The following ZNF292 variants were observed in gnomAD, a reference collection of about 807,000 sequenced individuals.
ZNF292 encodes the protein 16 zinc-finger domain protein.
Under a neutral mutation model 217.9 loss-of-function variants are expected in ZNF292, and 26 were observed. That is an observed-to-expected ratio of 0.12 (90% CI 0.09 to 0.17). The LOEUF (loss-of-function observed/expected upper bound fraction) is 0.17, where lower values mean the gene tolerates loss of function less well. ZNF292 is among the 10% of genes least tolerant of loss of function. The pLI, the probability that ZNF292 is intolerant of heterozygous loss-of-function variation, is 1.00. For synonymous variants in ZNF292, 1,257 were observed against 1,124.1 expected (o/e 1.12, Z -2.37); for missense variants, 2,904 against 3,175.2 (o/e 0.91, Z 2.05).
At position 87,256,277 on chromosome 6, in the gene ZNF292, T is replaced by C; in HGVS notation, c.2648T>C (p.Leu883Pro). The part of the protein sequence containing the change: ...PSENNIENSL[L>P]ADRSDAWDKS... ...GAAAATAACATTGAAAACAGCTTACTAGCAGATAGAAGTGATGCTTGGGAT... is the reference window on the plus strand; with the variant it reads ...GAAAATAACATTGAAAACAGCTTACCAGCAGATAGAAGTGATGCTTGGGAT... The change falls in exon 8 of 8, where the codon CTA (leucine) becomes CCA (proline). Residue 883 changes from leucine to proline, a missense_variant. This residue lies in a region of ZNF292 where 687 missense variants were observed against 623.0 expected (regional missense o/e 1.10). Coordinates refer to ENST00000369577, the MANE Select transcript of ZNF292 (RefSeq NM_015021.3). 1.2e-6 allele frequency: 2 copies of C among 1,613,864 alleles called. No homozygotes were observed. Among genetic ancestry groups the C allele is most frequent in the South Asian group, 1.1e-5 (1 of 91,074 alleles).
chr6:87,207,830 A>C (rs560213271), intron 1 of ZNF292, among the ~76,000 whole-genome samples: 1 of 152,248 alleles, frequency 6.6e-6, no homozygotes, highest in East Asian at 1.9e-4. Context: ...AAATCCATCT[A>C]ATATGCTATA....
rs566327800 is a variant in ZNF292, at chr6:87,237,838, T to A, written c.741+4311T>A. Among the ~76,000 whole-genome samples the A allele has an allele frequency of 2.0e-5, 3 of 152,352 alleles. No individual in the cohort carries two copies. In the East Asian group the frequency reaches 5.8e-4, roughly 29 times the overall value. ...GCTCATTTGTCAGAGCAATAGAGAA[T>A]AGTCCCTATATAGGTAATATACTGG... On this transcript the variant is annotated intron_variant, in intron 5 of 7. Coordinates refer to ENST00000369577, the MANE Select transcript of ZNF292 (RefSeq NM_015021.3).
intron 1 of ZNF292, chr6:87,173,909 T>C (rs1771194493): frequency 5.7e-6 from 1 of 174,582 alleles, no homozygotes. Context: ...TTGTACAAAA[T>C]AGCCAGTCTG....
intron 1 of ZNF292, among the ~76,000 whole-genome samples, chr6:87,179,834 A>G (rs998963707): frequency 6.6e-6 from 1 of 152,180 alleles, no homozygotes; most frequent in African/African-American, 2.4e-5. Context: ...TATTTCCTCC[A>G]TGTACGGAGA....
chr6:87,204,279 T>A (rs183167775), intron 1 of ZNF292, among the ~76,000 whole-genome samples: 1 of 152,288 alleles, frequency 6.6e-6, no homozygotes, highest in East Asian at 1.9e-4. Context: ...TTGGCATACG[T>A]GAATAATGTC....
chr6:87,233,519 A>T lies in ZNF292; in HGVS notation c.733A>T (p.Ile245Phe). 3 of 1,610,034 alleles carry T rather than the reference A, an allele frequency of 1.9e-6. No homozygotes were observed. The highest frequency in any genetic ancestry group is 2.5e-6 in the Non-Finnish European group (3 of 1,178,252). Residue 245 changes from isoleucine to phenylalanine, a missense_variant, in exon 5 of 8, where the codon ATC (isoleucine) becomes TTC (phenylalanine). Physicochemically the swap from Ile to Phe is conservative, Grantham distance 21. Transcript: ENST00000369577. The stretch of plus-strand genomic sequence containing the variant: ...TACATCATCACCAAATGGAAAGTTA[A>T]TCGAAGAGGTGAGTATGTTTTCTTT... ...LCTSSPNGKL[I>F]EEISEVDCKD...
At chr6:87,252,174 G>A (rs1000592919) in intron 7 of ZNF292, among the ~76,000 whole-genome samples, 6 of 150,914 alleles carry the variant, frequency 4.0e-5, no homozygotes, top group Middle Eastern at 3.2e-3. Context: ...TTTTTGAGAC[G>A]TTGTTTTGCT....
At chr6:87,219,695 G>C (rs1368330067) in intron 4 of ZNF292, among the ~76,000 whole-genome samples, 1 of 152,194 alleles carries the variant, frequency 6.6e-6, no homozygotes, top group Non-Finnish European at 1.5e-5. Flanking sequence ...CGTTCTAGCA[G>C]TGTACTTGTT....
At chr6:87,155,785 C>A in intron 1 of ZNF292, 26 bp downstream of exon 1, 1 of 1,564,838 alleles carries the variant, frequency 6.4e-7, no homozygotes, top group Non-Finnish European at 8.7e-7. Flanking sequence ...GGTCCCCTCC[C>A]CCTTTCCCCA....
At chr6:87,160,042 A>G (rs993898892) in intron 1 of ZNF292, among the ~76,000 whole-genome samples, 2 of 152,232 alleles carry the variant, frequency 1.3e-5, no homozygotes, top group African/African-American at 2.4e-5. Context: ...AGACTGGGCC[A>G]GTAGTCACTC....
intron 1 of ZNF292, among the ~76,000 whole-genome samples, chr6:87,182,538 T>C (rs1411134087): frequency 6.6e-6 from 1 of 152,256 alleles, no homozygotes; most frequent in Non-Finnish European, 1.5e-5. Context: ...TGAACTATTG[T>C]GACTAATTTA....
intron 1 of ZNF292, among the ~76,000 whole-genome samples, chr6:87,177,014 C>T (rs1771323568): frequency 6.6e-6 from 1 of 152,126 alleles, no homozygotes; most frequent in African/African-American, 2.4e-5. Flanking sequence ...CCCACTCCTC[C>T]CCACAGACAC....
At chr6:87,249,325 C>A in intron 7 of ZNF292, 1 of 399,478 alleles carries the variant, frequency 2.5e-6, no homozygotes, top group Non-Finnish European at 5.0e-6. Flanking sequence ...TGGGGTCTCA[C>A]TATATTGCCC....
intron 1 of ZNF292, among the ~76,000 whole-genome samples, chr6:87,169,033 T>C (rs1319698387): frequency 6.3e-5 from 8 of 126,198 alleles, no homozygotes; most frequent in Non-Finnish European, 5.1e-5. Flanking sequence ...TTACTTTTTA[T>C]TGCTTTTTTT....
chr6:87,238,080 C>T (rs1773987570), intron 5 of ZNF292, among the ~76,000 whole-genome samples: 1 of 151,934 alleles, frequency 6.6e-6, no homozygotes, highest in Admixed American at 6.6e-5. Context: ...CATTAGTATG[C>T]CTATGAGAAA....
intron 1 of ZNF292, among the ~76,000 whole-genome samples, chr6:87,194,791 G>C (rs886256842): frequency 2.0e-5 from 3 of 151,998 alleles, no homozygotes; most frequent in Non-Finnish European, 4.4e-5. Flanking sequence ...ATATGCAAAA[G>C]TTTAAATAAA....
chr6:87,212,363 A>G (rs1772528620), intron 1 of ZNF292, among the ~76,000 whole-genome samples: 1 of 152,060 alleles, frequency 6.6e-6, no homozygotes, highest in Admixed American at 6.6e-5. Flanking sequence ...GCCATTGGTG[A>G]TTGGGTTCAA....
chr6:87,187,483 C>T (rs1320528389), intron 1 of ZNF292, among the ~76,000 whole-genome samples: 1 of 152,038 alleles, frequency 6.6e-6, no homozygotes, highest in African/African-American at 2.4e-5. Context: ...CTTTGGGAGG[C>T]CGAGGTGGGC....
At chr6:87,172,422 A>C (rs1294278228) in intron 1 of ZNF292, among the ~76,000 whole-genome samples, 1 of 152,170 alleles carries the variant, frequency 6.6e-6, no homozygotes, top group Non-Finnish European at 1.5e-5. Context: ...ATACATATGC[A>C]CCTGGTGGGA....
Sources: allele counts gnomAD v4.1 joint callset (sites outside exome capture counted in the v4.1 genomes callset), GRCh38; gene constraint gnomAD v4.1.1; regional missense constraint gnomAD v4.1.1; transcripts MANE v1.5; gene names NCBI Gene and HGNC (gene_info 2026-07-23, HGNC 2026-07-21).